Variants in YLPM1 observed in about 807,000 individuals in gnomAD.
YLPM1 encodes YLP motif containing 1.
In YLPM1, 99 loss-of-function variants were observed where a neutral mutation model predicts 230.0. That is an observed-to-expected ratio of 0.43 (90% CI 0.37 to 0.51). The LOEUF (loss-of-function observed/expected upper bound fraction) is 0.51, where lower values mean the gene tolerates loss of function less well. Ranked by LOEUF, YLPM1 falls within the 20% of genes least tolerant of loss-of-function variation. The pLI is 0.00. For synonymous variants in YLPM1, 984 were observed against 942.5 expected (o/e 1.04, Z -0.81); for missense variants, 2,592 against 2,707.7 (o/e 0.96, Z 0.95).
intron 4 of YLPM1, among the ~76,000 whole-genome samples, chr14:74,783,694 C>G (rs1054346544): frequency 1.3e-5 from 2 of 152,106 alleles, no homozygotes; most frequent in African/African-American, 4.8e-5. Context: ...ATCTTTTATT[C>G]CCCAAGCTTA....
intron 11 of YLPM1, among the ~76,000 whole-genome samples, chr14:74,815,555 C>G (rs1349088123): frequency 6.7e-6 from 1 of 149,620 alleles, no homozygotes; most frequent in Non-Finnish European, 1.5e-5. Context: ...GAGCAAGACT[C>G]CATCTCAAAA....
intron 4 of YLPM1, among the ~76,000 whole-genome samples, chr14:74,794,499 C>T (rs555776083): frequency 6.6e-6 from 1 of 152,258 alleles, no homozygotes; most frequent in African/African-American, 2.4e-5. Flanking sequence ...CCATATGTTT[C>T]TGATTAGGTT....
At chr14:74,816,880 TG>T in intron 13 of YLPM1, 50 bp from the exon 14 acceptor site, 1 of 1,508,684 alleles carries the variant, frequency 6.6e-7, no homozygotes, top group Non-Finnish European at 8.8e-7. Context: ...GAAAAGGTTT[TG>T]GATGATTCTT....
chr14:74,764,552 C>T (rs996910488), intron 1 of YLPM1, among the ~76,000 whole-genome samples, 190 bp downstream of exon 1: 1 of 152,170 alleles, frequency 6.6e-6, no homozygotes, highest in Admixed American at 6.5e-5. Flanking sequence ...ACCAAAAAAA[C>T]AGCGTTTGTA....
chr14:74,811,101 A>G (rs1318674986), intron 9 of YLPM1, among the ~76,000 whole-genome samples: 2 of 152,184 alleles, frequency 1.3e-5, no homozygotes, highest in Non-Finnish European at 2.9e-5. Context: ...TGCTGGGATT[A>G]TAGGCGTGAG....
chr14:74,781,899 T>C lies in YLPM1; in HGVS notation c.1856T>C (p.Met619Thr). 4 of 1,613,600 alleles carry C rather than the reference T, an allele frequency of 2.5e-6. No homozygotes were observed. Among genetic ancestry groups the C allele is most frequent in the Non-Finnish European group, 3.4e-6 (4 of 1,179,780 alleles). ...SLSSTAPPPVMPLPPLSSATP... is the reference protein window; with the variant it reads ...SLSSTAPPPVTPLPPLSSATP... ...TCTTCAACAGCACCTCCACCTGTCA[T>C]GCCCCTCCCACCATTGTCTTCAGCT... Residue 619 changes from methionine (M) to threonine (T), a missense_variant, in exon 4 of 21, where the codon ATG becomes ACG. By Grantham distance (81) the Met-to-Thr change is moderately conservative. This residue lies in a region of YLPM1 where 1,862 missense variants were observed against 1,819.8 expected (regional missense o/e 1.02). Coordinates refer to ENST00000325680, the MANE Select transcript of YLPM1 (RefSeq NM_019589.3).
intron 9 of YLPM1, 39 bp from the exon 10 acceptor site, chr14:74,811,580 AT>A: frequency 6.6e-7 from 1 of 1,506,392 alleles, no homozygotes; most frequent in Non-Finnish European, 9.1e-7. Context: ...AACCCCAAAT[AT>A]TTTTTATTTG....
rs1212943343 is a variant in YLPM1, at chr14:74,836,384, T to C, written c.*646T>C. 1 of 152,314 alleles carries C rather than the reference T, an allele frequency of 6.6e-6. No individual in the cohort carries two copies. Among genetic ancestry groups the C allele is most frequent in the Non-Finnish European group, 1.5e-5 (1 of 68,112 alleles). 9.4% of individuals were successfully genotyped at this position (152,314 alleles called of 1,614,324 possible). ...AAAACACTCATCTTTGTTTTATAGC[T>C]GATTTCTCTATCTTTGTGTCTTGAA... On this transcript the variant is annotated 3_prime_UTR_variant, in exon 21 of 21. Coordinates refer to ENST00000325680, the MANE Select transcript of YLPM1 (RefSeq NM_019589.3).
At chr14:74,793,511 C>T (rs568872211) in intron 4 of YLPM1, among the ~76,000 whole-genome samples, 1 of 152,234 alleles carries the variant, frequency 6.6e-6, no homozygotes, top group Admixed American at 6.5e-5. Context: ...TTAAGAATCT[C>T]TCTGAGGATA....
intron 9 of YLPM1, among the ~76,000 whole-genome samples, chr14:74,810,833 G>A (rs1162713005): frequency 1.3e-5 from 2 of 152,028 alleles, no homozygotes; most frequent in Admixed American, 1.3e-4. Flanking sequence ...TTACTATTTT[G>A]TATGGAGACG....
At chr14:74,823,663 A>G (rs148280368) in intron 17 of YLPM1, among the ~76,000 whole-genome samples, 1 of 152,228 alleles carries the variant, frequency 6.6e-6, no homozygotes, top group African/African-American at 2.4e-5. Context: ...GATTCAGTAA[A>G]ATTAGCCGTT....
chr14:74,787,322 G>A (rs867206284), intron 4 of YLPM1, among the ~76,000 whole-genome samples: 1 of 152,182 alleles, frequency 6.6e-6, no homozygotes, highest in African/African-American at 2.4e-5. Context: ...CAGCACTTTG[G>A]GAGGCTGACG....
chr14:74,776,555 C>T (rs564869992), intron 1 of YLPM1, among the ~76,000 whole-genome samples: 33 of 152,118 alleles, frequency 2.2e-4, no homozygotes, highest in Admixed American at 1.4e-3. Flanking sequence ...GTGAAATCAA[C>T]AAAAAAGCAC....
intron 16 of YLPM1, among the ~76,000 whole-genome samples, chr14:74,820,413 A>G (rs2091511735): frequency 6.6e-6 from 1 of 151,916 alleles, no homozygotes; most frequent in Non-Finnish European, 1.5e-5. Context: ...GTGCCCAGCT[A>G]ATTTTTTATT....
chr14:74,791,563 T>C (rs2091207737), intron 4 of YLPM1, among the ~76,000 whole-genome samples: 1 of 152,278 alleles, frequency 6.6e-6, no homozygotes, highest in Admixed American at 6.5e-5. Flanking sequence ...CATTCTTTGC[T>C]TTATTTATTC....
chr14:74,832,873 T>C (rs1211483103), intron 19 of YLPM1, among the ~76,000 whole-genome samples: 1 of 152,182 alleles, frequency 6.6e-6, no homozygotes, highest in African/African-American at 2.4e-5. Flanking sequence ...CTTTATTTTA[T>C]CTGAGTTTAA....
chr14:74,791,444 C>T (rs1380488012), intron 4 of YLPM1, among the ~76,000 whole-genome samples: 1 of 152,188 alleles, frequency 6.6e-6, no homozygotes, highest in African/African-American at 2.4e-5. Context: ...CCTTTCAACC[C>T]TTCTGCCATG....
At chr14:74,781,258 AT>A in intron 3 of YLPM1, 75 bp from the exon 4 acceptor site, 25 of 1,423,786 alleles carry the variant, frequency 1.8e-5, no homozygotes, top group Non-Finnish European at 2.2e-5. Context: ...AATGCCCTTG[AT>A]TCATTAATAT....
chr14:74,788,261 C>G (rs541913388), intron 4 of YLPM1, among the ~76,000 whole-genome samples: 1 of 152,204 alleles, frequency 6.6e-6, no homozygotes, highest in Admixed American at 6.5e-5. Context: ...GCTGGAACTA[C>G]AGGTGCCCAC....
Sources: allele counts gnomAD v4.1 joint callset (sites outside exome capture counted in the v4.1 genomes callset), GRCh38; gene constraint gnomAD v4.1.1; regional missense constraint gnomAD v4.1.1; transcripts MANE v1.5; gene names NCBI Gene and HGNC (gene_info 2026-07-23, HGNC 2026-07-21).